CWC27: variants seen among roughly 807,000 people sequenced by gnomAD.
The protein encoded by CWC27 is CWC27 spliceosome associated cyclophilin, also known as spliceosome-associated protein CWC27 homolog.
CWC27 carries 47 observed loss-of-function variants against 63.6 expected under a neutral mutation model. The ratio of observed to expected loss-of-function variants is 0.74; its 90% CI spans 0.58 to 0.94. The LOEUF is 0.94. Ranked by LOEUF, CWC27 falls within the 40% of genes least tolerant of loss-of-function variation. The probability of loss-of-function intolerance (pLI) is 0.00; values close to 1 mark genes in which losing one functional copy is unlikely to be tolerated. For missense variants in CWC27, 495 were observed against 554.3 expected (o/e 0.89, Z 1.07); for synonymous variants, 175 against 179.8 (o/e 0.97, Z 0.22).
chr5:64,843,847 G>A (rs1050792057), intron 10 of CWC27, among the ~76,000 whole-genome samples: 19 of 152,038 alleles, frequency 1.2e-4, no homozygotes, highest in African/African-American at 4.3e-4. Flanking sequence ...AGGGTCTGGT[G>A]CCTAGTGACA....
intron 10 of CWC27, among the ~76,000 whole-genome samples, chr5:64,877,448 T>C (rs1179376016): frequency 6.6e-6 from 1 of 151,930 alleles, no homozygotes; most frequent in East Asian, 1.9e-4. Context: ...GATTGGGTAA[T>C]GAGTATAAAC....
At chr5:64,806,385 A>G (rs1403305939) in intron 10 of CWC27, among the ~76,000 whole-genome samples, 4 of 152,200 alleles carry the variant, frequency 2.6e-5, no homozygotes, top group Non-Finnish European at 5.9e-5. Context: ...AAACATGAGT[A>G]TTGTGGACAT....
chr5:64,955,992 A>G (rs1005844632), intron 11 of CWC27, among the ~76,000 whole-genome samples: 15 of 152,104 alleles, frequency 9.9e-5, no homozygotes, highest in Non-Finnish European at 4.4e-5. Context: ...TTGTTCACTG[A>G]TAAGAGGTGT....
chr5:64,909,123 T>C (rs1747729378), intron 11 of CWC27, among the ~76,000 whole-genome samples: 1 of 152,220 alleles, frequency 6.6e-6, no homozygotes, highest in African/African-American at 2.4e-5. Context: ...TAAAGGATTT[T>C]ATTTCTCCTT....
intron 10 of CWC27, among the ~76,000 whole-genome samples, chr5:64,858,401 G>A (rs1746312767): frequency 6.6e-6 from 1 of 150,690 alleles, no homozygotes; most frequent in Non-Finnish European, 1.5e-5. Context: ...GGCGGAGCTT[G>A]CAGTGAGCCA....
At chr5:64,935,938 CA>C (rs1160680566) in intron 11 of CWC27, among the ~76,000 whole-genome samples, 2 of 152,074 alleles carry the variant, frequency 1.3e-5, no homozygotes, top group African/African-American at 2.4e-5. Context: ...GTGATTTTTG[CA>C]CATTTATTTT....
chr5:64,799,268 A>G (rs1426346765), intron 7 of CWC27, among the ~76,000 whole-genome samples: 2 of 152,150 alleles, frequency 1.3e-5, no homozygotes, highest in Non-Finnish European at 2.9e-5. Context: ...ATGCTATTTG[A>G]AGCACAGTGC....
At chr5:64,990,204 T>C (rs1749507642) in intron 13 of CWC27, among the ~76,000 whole-genome samples, 1 of 152,052 alleles carries the variant, frequency 6.6e-6, no homozygotes, top group East Asian at 1.9e-4. Flanking sequence ...CATTATGCTT[T>C]ATGTAGCCTT....
At chr5:64,951,002 G>A (rs1345245270) in intron 11 of CWC27, among the ~76,000 whole-genome samples, 1 of 151,706 alleles carries the variant, frequency 6.6e-6, no homozygotes, top group East Asian at 1.9e-4. Flanking sequence ...ACCATAATAT[G>A]TTTATCCATC....
chr5:64,832,412 T>A (rs1170190365), intron 10 of CWC27, among the ~76,000 whole-genome samples: 1 of 151,752 alleles, frequency 6.6e-6, no homozygotes, highest in Admixed American at 6.6e-5. Context: ...TAATAGTTTG[T>A]CTTTTTTTTT....
At chr5:64,806,968 A>G (rs967477666) in intron 10 of CWC27, among the ~76,000 whole-genome samples, 2 of 152,228 alleles carry the variant, frequency 1.3e-5, no homozygotes, top group African/African-American at 4.8e-5. Flanking sequence ...AAAAACTACA[A>G]CGTGGTAAAA....
chr5:64,930,560 A>G (rs995544325), intron 11 of CWC27, among the ~76,000 whole-genome samples: 3 of 152,164 alleles, frequency 2.0e-5, no homozygotes, highest in African/African-American at 7.2e-5. Context: ...AATAAATGTG[A>G]AGAGAGTGGT....
At chr5:64,789,067 G>T (rs1167228147) in intron 7 of CWC27, 47 bp downstream of exon 7, 1 of 1,329,290 alleles carries the variant, frequency 7.5e-7, no homozygotes, top group East Asian at 2.3e-5. Context: ...AGAGATTGGG[G>T]TCTATATCTT....
intron 10 of CWC27, among the ~76,000 whole-genome samples, chr5:64,874,600 G>A (rs900322639): frequency 5.3e-5 from 8 of 152,124 alleles, no homozygotes; most frequent in African/African-American, 1.7e-4. Context: ...CTGAGTAGCT[G>A]GAGTTACAGA....
chr5:64,902,595 T>G (rs926931603), intron 11 of CWC27, among the ~76,000 whole-genome samples: 2 of 152,214 alleles, frequency 1.3e-5, no homozygotes, highest in Non-Finnish European at 2.9e-5. Context: ...TCTATTTATC[T>G]ATGTTTACAG....
chr5:64,996,458 G>T (rs1309542), intron 13 of CWC27, among the ~76,000 whole-genome samples: 23,099 of 151,946 alleles, frequency 0.15, 1,962 homozygotes, highest in Non-Finnish European at 0.19. Flanking sequence ...TTTTTTAGTA[G>T]AAATAAAAGT....
chr5:64,880,650 T>C (rs192026806), intron 10 of CWC27, among the ~76,000 whole-genome samples: 3 of 152,112 alleles, frequency 2.0e-5, no homozygotes, highest in African/African-American at 7.2e-5. Flanking sequence ...AGGCTGCTGA[T>C]ATTTTATTGG....
Position 64,774,678 on chromosome 5 carries a change from A to G in CWC27, c.43-13A>G. The G allele has an allele frequency of 1.4e-6, 2 of 1,458,898 alleles. No individual in the cohort carries two copies. The highest frequency in any genetic ancestry group is 1.4e-5 in the African/African-American group (1 of 69,640). The allele number at this position is 1,458,898 out of a possible 1,614,324, so 90.4% of individuals were successfully genotyped here. A position where few individuals can be genotyped will look rare whatever the true frequency, so the allele number is the denominator to read the frequency against. ...AAATAATAATTTAATAAAATGTAAT[A>G]TTCTTTCTACAGGTTTTATTGAAAA... On this transcript the variant is annotated splice_polypyrimidine_tract_variant and intron_variant, in intron 1 of 13. Transcript: ENST00000381070.
At chr5:65,001,927 A>C (rs1749739634) in intron 13 of CWC27, among the ~76,000 whole-genome samples, 1 of 151,964 alleles carries the variant, frequency 6.6e-6, no homozygotes, top group Admixed American at 6.6e-5. Context: ...ATTTTGGTAG[A>C]ATTCAGCAGT....
Sources: gnomAD v4.1 joint callset for allele counts (sites outside exome capture counted in the v4.1 genomes callset) on GRCh38, gnomAD v4.1.1 for gene constraint, MANE v1.5 for transcripts, NCBI Gene and HGNC (gene_info 2026-07-23, HGNC 2026-07-21) for gene names.